The following BMPR1B variants were observed in gnomAD, a reference collection of about 807,000 sequenced individuals.
BMPR1B encodes bone morphogenetic protein receptor type 1B.
A neutral mutation model predicts 59.1 loss-of-function variants in BMPR1B; 12 were observed. The observed-to-expected ratio is 0.20, with a 90% confidence interval of 0.13 to 0.33. BMPR1B has a LOEUF of 0.33. BMPR1B is among the 10% of genes least tolerant of loss of function. BMPR1B has a pLI of 1.00. For synonymous variants in BMPR1B, 237 were observed against 207.3 expected (o/e 1.14, Z -1.23); for missense variants, 550 against 610.9 (o/e 0.90, Z 1.05).
intron 1 of BMPR1B, among the ~76,000 whole-genome samples, chr4:94,868,265 C>T (rs1410686378): frequency 6.6e-6 from 1 of 151,844 alleles, no homozygotes; most frequent in African/African-American, 2.4e-5. Context: ...GCCTCCCAGG[C>T]TCAAGTGATT....
At chr4:94,973,352 T>G (rs920765371) in intron 2 of BMPR1B, among the ~76,000 whole-genome samples, 2 of 152,116 alleles carry the variant, frequency 1.3e-5, no homozygotes, top group Non-Finnish European at 2.9e-5. Context: ...GTCACGTGAA[T>G]GAATTAAAGG....
At chr4:94,941,067 C>T (rs1212458938) in intron 2 of BMPR1B, among the ~76,000 whole-genome samples, 1 of 152,150 alleles carries the variant, frequency 6.6e-6, no homozygotes, top group South Asian at 2.1e-4. Flanking sequence ...CAACTAGTTT[C>T]TTTCTCCATG....
chr4:95,024,148 T>G (rs976835810), intron 3 of BMPR1B, among the ~76,000 whole-genome samples: 2 of 152,230 alleles, frequency 1.3e-5, no homozygotes, highest in African/African-American at 2.4e-5. Flanking sequence ...AACTCTTAGC[T>G]ACTTGAATAA....
chr4:94,991,534 A>G (rs1721759086), intron 2 of BMPR1B, among the ~76,000 whole-genome samples: 1 of 152,208 alleles, frequency 6.6e-6, no homozygotes, highest in South Asian at 2.1e-4. Context: ...CACTTTGAAC[A>G]GGGACTTGAA....
At chr4:94,931,534 C>T (rs1287877264) in intron 2 of BMPR1B, among the ~76,000 whole-genome samples, 2 of 152,084 alleles carry the variant, frequency 1.3e-5, no homozygotes, top group Non-Finnish European at 2.9e-5. Flanking sequence ...TGAAGCTCTG[C>T]AGCCTCTGCC....
At chr4:94,794,466 T>G (rs1488178915) in intron 1 of BMPR1B, among the ~76,000 whole-genome samples, 2 of 142,734 alleles carry the variant, frequency 1.4e-5, no homozygotes, top group South Asian at 2.3e-4. Context: ...GCCTCCAGCT[T>G]TGTTCTTTTG....
chr4:94,881,496 C>T (rs1726971378), intron 2 of BMPR1B, among the ~76,000 whole-genome samples: 2 of 151,186 alleles, frequency 1.3e-5, no homozygotes, highest in African/African-American at 4.9e-5. Flanking sequence ...TTTTGCAATC[C>T]ACTCTGTCAC....
At chr4:94,899,880 G>A (rs187050869) in intron 2 of BMPR1B, among the ~76,000 whole-genome samples, 54 of 151,966 alleles carry the variant, frequency 3.6e-4, no homozygotes, top group East Asian at 2.7e-3. Context: ...TTCCCTGTTC[G>A]CCCACACATG....
intron 2 of BMPR1B, among the ~76,000 whole-genome samples, chr4:94,881,444 G>C (rs970579630): frequency 6.6e-6 from 1 of 151,790 alleles, no homozygotes; most frequent in Non-Finnish European, 1.5e-5. Context: ...CTGGGTTCAA[G>C]TTCTAGGCTG....
intron 2 of BMPR1B, among the ~76,000 whole-genome samples, chr4:94,916,076 A>G (rs779345688): frequency 2.6e-5 from 4 of 152,188 alleles, no homozygotes; most frequent in East Asian, 1.9e-4. Flanking sequence ...CACTTTCTGT[A>G]TAGCCTGCAG....
At chr4:95,000,001 T>A (rs553274100) in intron 3 of BMPR1B, among the ~76,000 whole-genome samples, 6 of 152,256 alleles carry the variant, frequency 3.9e-5, no homozygotes, top group Admixed American at 2.6e-4. Context: ...AAAATAAAAT[T>A]TATTTTGCCT....
At chr4:95,047,561 A>G (rs1726143266) in intron 3 of BMPR1B, among the ~76,000 whole-genome samples, 1 of 152,164 alleles carries the variant, frequency 6.6e-6, no homozygotes, top group Non-Finnish European at 1.5e-5. Context: ...TCACCTGCCC[A>G]AGGGAGTGTT....
chr4:95,145,468 T>C (rs1457966806), intron 10 of BMPR1B, among the ~76,000 whole-genome samples: 2 of 152,246 alleles, frequency 1.3e-5, no homozygotes. Context: ...ACTTTCCGTC[T>C]GTTGTACTGT....
intron 1 of BMPR1B, among the ~76,000 whole-genome samples, chr4:94,770,967 C>T (rs925931622): frequency 1.3e-5 from 2 of 150,434 alleles, no homozygotes; most frequent in Admixed American, 1.3e-4. Flanking sequence ...TGACCTTATA[C>T]TTTAGCATAC....
At chr4:94,805,159 C>CTA (rs1188668406) in intron 1 of BMPR1B, among the ~76,000 whole-genome samples, 2 of 152,258 alleles carry the variant, frequency 1.3e-5, no homozygotes, top group South Asian at 4.1e-4. Flanking sequence ...CAGCCAGTGT[C>CTA]TATATATACC....
intron 3 of BMPR1B, among the ~76,000 whole-genome samples, chr4:95,079,436 C>A (rs1375942107): frequency 1.6e-5 from 2 of 125,116 alleles, no homozygotes; most frequent in Middle Eastern, 4.0e-3. Context: ...TTTGGATATT[C>A]TAAATATTTC....
intron 2 of BMPR1B, among the ~76,000 whole-genome samples, chr4:94,934,739 T>G (rs368768249): frequency 1.3e-5 from 2 of 152,272 alleles, no homozygotes; most frequent in East Asian, 3.9e-4. Context: ...TTTTTCCCCC[T>G]GCAAAATAGG....
intron 2 of BMPR1B, among the ~76,000 whole-genome samples, chr4:94,978,007 T>G (rs1023800): frequency 5.9e-5 from 9 of 152,312 alleles, no homozygotes; most frequent in Middle Eastern, 3.4e-3. Flanking sequence ...AAGAATCTCT[T>G]CCTTCCAATA....
chr4:94,864,401 T>G (rs1318517904), intron 1 of BMPR1B, among the ~76,000 whole-genome samples: 1 of 152,104 alleles, frequency 6.6e-6, no homozygotes, highest in Non-Finnish European at 1.5e-5. Context: ...AAGATAGTAT[T>G]TAGAAGATTC....
Sources: gnomAD v4.1 joint callset for allele counts (sites outside exome capture counted in the v4.1 genomes callset) on GRCh38, gnomAD v4.1.1 for gene constraint, MANE v1.5 for transcripts, NCBI Gene and HGNC (gene_info 2026-07-23, HGNC 2026-07-21) for gene names.